The following SGCZ variants were observed in gnomAD, a reference collection of about 807,000 sequenced individuals.
SGCZ encodes zeta-sarcoglycan.
In SGCZ, 40 loss-of-function variants were observed where a neutral mutation model predicts 41.3. The observed-to-expected ratio is 0.97, with a 90% CI of 0.75 to 1.26. SGCZ has a LOEUF of 1.26. Among genes scored for constraint, SGCZ ranks in the 50% most tolerant of loss-of-function variants. The pLI is 0.00. For missense variants in SGCZ, 552 were observed against 369.8 expected, an observed-to-expected ratio of 1.49 and a Z score of -4.04; for synonymous variants, 206 against 137.5, an observed-to-expected ratio of 1.50 and a Z score of -3.49.
At chr8:14,696,793 T>A (rs1266617106) in intron 1 of SGCZ, among the ~76,000 whole-genome samples, 1 of 151,696 alleles carries the variant, frequency 6.6e-6, no homozygotes, top group African/African-American at 2.4e-5. Flanking sequence ...GGGGGATGTA[T>A]CCTGGAATAC....
At position 14,455,517 on chromosome 8, in the gene SGCZ, C is replaced by A. The variant is rs80207105; in HGVS notation, c.234+99215G>T. ...GCATATACACACTTCTCTTTCCTTTCAATAGATAGATAATACACAGACAGA... is the reference window on the plus strand; with the variant it reads ...GCATATACACACTTCTCTTTCCTTTAAATAGATAGATAATACACAGACAGA... On this transcript the variant is annotated intron_variant, in intron 2 of 7. Transcript: ENST00000382080. 4.1e-4 allele frequency among the ~76,000 whole-genome samples: 62 copies of A among 151,430 alleles called. No homozygotes were observed. The East Asian group carries it at 7.8e-3, about 19-fold the overall frequency.
At chr8:14,549,912 T>A (rs56367836) in intron 2 of SGCZ, among the ~76,000 whole-genome samples, 31,158 of 151,872 alleles carry the variant, frequency 0.21, 3,327 homozygotes, top group South Asian at 0.38. Context: ...TTGTTAAGAG[T>A]TAAGTTGGTA....
intron 1 of SGCZ, among the ~76,000 whole-genome samples, chr8:15,078,374 C>G (rs1805621208): frequency 6.6e-6 from 1 of 151,766 alleles, no homozygotes; most frequent in African/African-American, 2.4e-5. Flanking sequence ...CCATACCATA[C>G]TCAGTAATAA....
intron 5 of SGCZ, among the ~76,000 whole-genome samples, chr8:14,124,819 ATCT>A (rs1005979597): frequency 1.3e-5 from 2 of 152,182 alleles, no homozygotes; most frequent in African/African-American, 4.8e-5. Flanking sequence ...CTAAAAGCCC[ATCT>A]TCTTCTTATA....
intron 1 of SGCZ, among the ~76,000 whole-genome samples, chr8:14,854,325 T>C (rs1201743385): frequency 6.6e-6 from 1 of 151,814 alleles, no homozygotes; most frequent in Non-Finnish European, 1.5e-5. Flanking sequence ...AAAAAGTTAA[T>C]TTGTATTCAT....
At chr8:14,711,727 G>A (rs1298984889) in intron 1 of SGCZ, among the ~76,000 whole-genome samples, 1 of 150,590 alleles carries the variant, frequency 6.6e-6, no homozygotes, top group East Asian at 2.0e-4. Context: ...GTCCTTTTTT[G>A]TGCTGACTTC....
At chr8:14,446,306 G>A (rs537193139) in intron 2 of SGCZ, among the ~76,000 whole-genome samples, 113 of 152,224 alleles carry the variant, frequency 7.4e-4, no homozygotes, top group African/African-American at 2.6e-3. Flanking sequence ...AAGCTTACCA[G>A]CTCCCAAAAT....
intron 1 of SGCZ, among the ~76,000 whole-genome samples, chr8:14,763,181 C>T (rs956272596): frequency 1.3e-5 from 2 of 152,170 alleles, no homozygotes; most frequent in African/African-American, 4.8e-5. Context: ...GTCTCAGAGA[C>T]TGGCCTGTCA....
At chr8:14,598,850 G>C (rs1442255635) in intron 1 of SGCZ, among the ~76,000 whole-genome samples, 1 of 152,048 alleles carries the variant, frequency 6.6e-6, no homozygotes, top group Non-Finnish European at 1.5e-5. Context: ...AAAAATATTA[G>C]ACACTCCTAT....
At chr8:15,066,175 G>A (rs903671092) in intron 1 of SGCZ, among the ~76,000 whole-genome samples, 3 of 151,858 alleles carry the variant, frequency 2.0e-5, no homozygotes, top group Admixed American at 6.6e-5. Context: ...GGGCGCGGTG[G>A]CGGGCGCCTG....
At chr8:15,086,848 G>A (rs1397800028) in intron 1 of SGCZ, among the ~76,000 whole-genome samples, 1 of 151,932 alleles carries the variant, frequency 6.6e-6, no homozygotes, top group Non-Finnish European at 1.5e-5. Context: ...CCAGCCAGGT[G>A]GAAACTTCAG....
chr8:14,327,131 T>C (rs1802148910), intron 2 of SGCZ, among the ~76,000 whole-genome samples: 2 of 152,132 alleles, frequency 1.3e-5, no homozygotes, highest in South Asian at 4.1e-4. Context: ...ATGATGAAGG[T>C]CAATGGATGT....
At chr8:14,885,844 A>G (rs767302149) in intron 1 of SGCZ, among the ~76,000 whole-genome samples, 84 of 151,640 alleles carry the variant, frequency 5.5e-4, no homozygotes, top group Non-Finnish European at 1.1e-3. Flanking sequence ...AAGAAGTGCA[A>G]CTCACAGAAG....
intron 2 of SGCZ, among the ~76,000 whole-genome samples, chr8:14,540,860 C>G (rs913481342): frequency 6.6e-6 from 1 of 151,556 alleles, no homozygotes; most frequent in Non-Finnish European, 1.5e-5. Flanking sequence ...TGGAGATTTT[C>G]TTATTCATGA....
intron 1 of SGCZ, among the ~76,000 whole-genome samples, chr8:14,754,246 T>C (rs1799588247): frequency 6.6e-6 from 1 of 152,186 alleles, no homozygotes; most frequent in South Asian, 2.1e-4. Flanking sequence ...ATAACCCTCA[T>C]GTTCTACTAT....
chr8:14,291,358 C>G (rs965532201), intron 3 of SGCZ, among the ~76,000 whole-genome samples: 2 of 151,876 alleles, frequency 1.3e-5, no homozygotes, highest in Non-Finnish European at 2.9e-5. Context: ...TGCTAATTAC[C>G]TTGACTTCAT....
intron 2 of SGCZ, among the ~76,000 whole-genome samples, chr8:14,423,669 C>A (rs1799697304): frequency 6.6e-6 from 1 of 152,164 alleles, no homozygotes; most frequent in Non-Finnish European, 1.5e-5. Context: ...CTGCCTTGGC[C>A]TCCCAAAGTG....
chr8:14,582,216 C>T (rs922431714), intron 1 of SGCZ, among the ~76,000 whole-genome samples: 4 of 151,858 alleles, frequency 2.6e-5, no homozygotes, highest in African/African-American at 7.3e-5. Flanking sequence ...CATAAGCAGT[C>T]GAAAGAAACC....
intron 1 of SGCZ, among the ~76,000 whole-genome samples, chr8:14,869,526 C>A (rs1326753732): frequency 6.6e-6 from 1 of 152,122 alleles, no homozygotes; most frequent in Non-Finnish European, 1.5e-5. Context: ...TGAAAACTGA[C>A]ACAAGACAAG....
Sources: gnomAD v4.1 joint callset for allele counts (sites outside exome capture counted in the v4.1 genomes callset) on GRCh38, gnomAD v4.1.1 for gene constraint, MANE v1.5 for transcripts, NCBI Gene and HGNC (gene_info 2026-07-23, HGNC 2026-07-21) for gene names.